SEZ6L: variants seen among roughly 807,000 people sequenced by gnomAD.
SEZ6L encodes the protein seizure related 6 homolog like.
A neutral mutation model predicts 106.2 loss-of-function variants in SEZ6L; 37 were observed. The observed-to-expected ratio is 0.35, with a 90% CI of 0.27 to 0.46. SEZ6L has a LOEUF of 0.46. Ranked by LOEUF, SEZ6L falls within the 20% of genes least tolerant of loss-of-function variation. The pLI, the probability that SEZ6L is intolerant of heterozygous loss-of-function variation, is 1.00. For synonymous variants in SEZ6L, 541 were observed against 570.4 expected (o/e 0.95, Z 0.73); for missense variants, 1,172 against 1,332.8 (o/e 0.88, Z 1.88).
intron 12 of SEZ6L, 34 bp downstream of exon 12, chr22:26,351,277 G>T (rs764745565): frequency 1.3e-6 from 2 of 1,590,986 alleles, no homozygotes; most frequent in South Asian, 2.2e-5. Context: ...GCCCCCAGTA[G>T]GTAGAAGCAG....
chr22:26,378,476 T>C (rs928661230), intron 16 of SEZ6L, among the ~76,000 whole-genome samples: 2 of 152,210 alleles, frequency 1.3e-5, no homozygotes, highest in Admixed American at 6.5e-5. Flanking sequence ...CTTGCTTCCC[T>C]CGAACCTCTG....
intron 7 of SEZ6L, among the ~76,000 whole-genome samples, chr22:26,311,159 G>C (rs1326067234): frequency 6.6e-6 from 1 of 152,182 alleles, no homozygotes; most frequent in African/African-American, 2.4e-5. Flanking sequence ...TGAGGTTTAA[G>C]ACACTTGGGT....
In SEZ6L at chr22:26,377,670, C is replaced by G. The variant is rs762667822; in HGVS notation, c.2943-3C>G. On this transcript the variant is annotated splice_region_variant and splice_polypyrimidine_tract_variant and intron_variant, in intron 15 of 16. Transcript: ENST00000248933. Reference sequence around the variant, plus strand: ...TAACTTCTCTCTCCTTTCTTTCCCCCAGATGTCGCTACTATTCCAACCTCC... The same window carrying G: ...TAACTTCTCTCTCCTTTCTTTCCCCGAGATGTCGCTACTATTCCAACCTCC... 1.2e-6 allele frequency: 2 copies of G among 1,609,390 alleles called. No homozygotes were observed. Among genetic ancestry groups the G allele is most frequent in the Middle Eastern group, 1.7e-4 (1 of 6,052 alleles).
At chr22:26,306,701 T>C (rs1422337492) in intron 6 of SEZ6L, among the ~76,000 whole-genome samples, 1 of 152,230 alleles carries the variant, frequency 6.6e-6, no homozygotes, top group Non-Finnish European at 1.5e-5. Flanking sequence ...TTTAATATTC[T>C]GCAGTATTAT....
Position 26,292,761 on chromosome 22 carries a change from G to A in SEZ6L, c.450G>A (p.Ala150=), listed in dbSNP as rs150393362. ...TCCAAAGGGCAGGGTCCCAGCCAGC[G>A]TCCCAGGGCCTAGATCTCCTCTCCT... The part of the protein sequence containing the change: ...ATVQRAGSQP[A]SQGLDLLSSS... The change falls in exon 2 of 17, where the codon GCG becomes GCA. Residue 150 remains alanine, a synonymous_variant. Transcript: ENST00000248933. 141 of 1,614,138 alleles carry A rather than the reference G, an allele frequency of 8.7e-5. No individual in the cohort carries two copies. The highest frequency in any genetic ancestry group is 1.7e-4 in the Admixed American group (10 of 60,026).
chr22:26,240,611 A>G (rs2079095115), intron 1 of SEZ6L, among the ~76,000 whole-genome samples: 1 of 152,060 alleles, frequency 6.6e-6, no homozygotes. Context: ...TTGAGCTACT[A>G]CTGTGTTGTG....
At chr22:26,243,497 C>T (rs1225909828) in intron 1 of SEZ6L, among the ~76,000 whole-genome samples, 1 of 152,172 alleles carries the variant, frequency 6.6e-6, no homozygotes, top group Non-Finnish European at 1.5e-5. Flanking sequence ...CAGGACCACA[C>T]TGGGGATGTG....
At chr22:26,333,200 G>T (rs1231584378) in intron 9 of SEZ6L, among the ~76,000 whole-genome samples, 1 of 152,230 alleles carries the variant, frequency 6.6e-6, no homozygotes, top group Admixed American at 6.5e-5. Context: ...GCCCAGAGCA[G>T]GGTCAAGGTG....
intron 1 of SEZ6L, among the ~76,000 whole-genome samples, chr22:26,185,570 C>T (rs1244036148): frequency 6.6e-6 from 1 of 152,188 alleles, no homozygotes; most frequent in Non-Finnish European, 1.5e-5. Context: ...TTGAGCTATA[C>T]ATGCTGCCTT....
At chr22:26,259,990 T>C (rs1169000470) in intron 1 of SEZ6L, among the ~76,000 whole-genome samples, 3 of 152,188 alleles carry the variant, frequency 2.0e-5, no homozygotes, top group Non-Finnish European at 4.4e-5. Context: ...GGGAAATCAT[T>C]ACAACTACCC....
intron 9 of SEZ6L, among the ~76,000 whole-genome samples, chr22:26,324,064 C>CCACA (rs71311560): frequency 0.057 from 8,028 of 140,180 alleles, 333 homozygotes; most frequent in South Asian, 0.23. Flanking sequence ...CAGTTTTTAA[C>CCACA]CACACACACA....
intron 1 of SEZ6L, among the ~76,000 whole-genome samples, chr22:26,225,721 A>C (rs753602250): frequency 2.6e-5 from 4 of 152,170 alleles, no homozygotes; most frequent in Non-Finnish European, 5.9e-5. Context: ...GAGAAACCTT[A>C]AGCAGCTGCA....
intron 1 of SEZ6L, among the ~76,000 whole-genome samples, chr22:26,181,908 A>G (rs1939424870): frequency 6.6e-6 from 1 of 152,184 alleles, no homozygotes; most frequent in South Asian, 2.1e-4. Context: ...TGAGCTCAGG[A>G]CCTAGAATTG....
chr22:26,243,874 G>A (rs2079227509), intron 1 of SEZ6L, among the ~76,000 whole-genome samples: 1 of 151,618 alleles, frequency 6.6e-6, no homozygotes, highest in Non-Finnish European at 1.5e-5. Context: ...AGAAAGATGA[G>A]CAGGGAGACC....
chr22:26,253,422 G>T (rs79088440), intron 1 of SEZ6L, among the ~76,000 whole-genome samples: 16,123 of 148,924 alleles, frequency 0.11, 1,093 homozygotes, highest in Middle Eastern at 0.2. Flanking sequence ...CCCTTATTTA[G>T]GCTGTTCCTT....
intron 9 of SEZ6L, among the ~76,000 whole-genome samples, chr22:26,330,228 C>T (rs140061729): frequency 2.5e-4 from 38 of 152,256 alleles, no homozygotes; most frequent in African/African-American, 7.9e-4. Flanking sequence ...TGTCTTCCAA[C>T]GACGTCTGTT....
At chr22:26,321,465 T>C (rs183651615) in intron 9 of SEZ6L, among the ~76,000 whole-genome samples, 1 of 152,102 alleles carries the variant, frequency 6.6e-6, no homozygotes, top group Admixed American at 6.5e-5. Context: ...CTTAAAGAGA[T>C]TAAAGCTTTG....
intron 1 of SEZ6L, among the ~76,000 whole-genome samples, chr22:26,238,590 C>G (rs1035390057): frequency 2.0e-5 from 3 of 152,212 alleles, no homozygotes; most frequent in Non-Finnish European, 2.9e-5. Context: ...TAAATAATAA[C>G]AGCTGTAGCA....
intron 1 of SEZ6L, among the ~76,000 whole-genome samples, chr22:26,268,844 A>C (rs1272258720): frequency 6.6e-6 from 1 of 152,192 alleles, no homozygotes; most frequent in Non-Finnish European, 1.5e-5. Context: ...CCAGTGGCCT[A>C]TGGAAAATTT....
Sources: gnomAD v4.1 joint callset for allele counts (sites outside exome capture counted in the v4.1 genomes callset) on GRCh38, gnomAD v4.1.1 for gene constraint, MANE v1.5 for transcripts, NCBI Gene and HGNC (gene_info 2026-07-23, HGNC 2026-07-21) for gene names.